Variants in ANK3 observed in about 807,000 individuals in gnomAD.
ANK3 encodes the protein ankyrin 3, also known as ankyrin-3.
ANK3 carries 57 observed loss-of-function variants against 370.9 expected under a neutral mutation model. The observed-to-expected ratio is 0.15, with a 90% CI of 0.12 to 0.19. The LOEUF (loss-of-function observed/expected upper bound fraction) is 0.19, where lower values mean the gene tolerates loss of function less well. Ranked by LOEUF, ANK3 falls within the 10% of genes least tolerant of loss-of-function variation. The pLI is 1.00. For missense variants in ANK3, 4,439 were observed against 5,302.1 expected (o/e 0.84, Z 5.06); for synonymous variants, 1,929 against 1,946.3 (o/e 0.99, Z 0.23).
intron 42 of ANK3, among the ~76,000 whole-genome samples, chr10:60,050,333 A>G (rs1013302093): frequency 1.3e-5 from 2 of 152,168 alleles, no homozygotes; most frequent in African/African-American, 4.8e-5. Flanking sequence ...AAATTTAGAC[A>G]ACGATTTATT....
intron 2 of ANK3, among the ~76,000 whole-genome samples, chr10:60,550,333 A>G (rs2077061476): frequency 6.6e-6 from 1 of 151,978 alleles, no homozygotes; most frequent in South Asian, 2.1e-4. Context: ...GTAAGTAACT[A>G]AGAAGCATTT....
intron 1 of ANK3, chr10:60,684,750 A>G: frequency 6.3e-7 from 1 of 1,575,002 alleles, no homozygotes; most frequent in Non-Finnish European, 8.7e-7. Flanking sequence ...AGGAGAAATT[A>G]ATGCCACTAT....
At chr10:60,121,288 G>T (rs1393501480) in intron 25 of ANK3, among the ~76,000 whole-genome samples, 1 of 151,248 alleles carries the variant, frequency 6.6e-6, no homozygotes, top group African/African-American at 2.4e-5. Context: ...AGTTCATGGA[G>T]ATCGAAAGTA....
chr10:60,188,723 G>A (rs1297811211), intron 16 of ANK3, among the ~76,000 whole-genome samples: 1 of 152,150 alleles, frequency 6.6e-6, no homozygotes, highest in East Asian at 1.9e-4. Flanking sequence ...TCTGAAACTA[G>A]CCTCTGCCAA....
chr10:60,726,743 T>C (rs2079946932), intron 1 of ANK3, among the ~76,000 whole-genome samples: 1 of 152,144 alleles, frequency 6.6e-6, no homozygotes. Context: ...ACTCTGTAAA[T>C]AAACAAAATT....
intron 23 of ANK3, among the ~76,000 whole-genome samples, chr10:60,148,216 T>C (rs967011885): frequency 6.6e-5 from 10 of 152,102 alleles, no homozygotes; most frequent in Non-Finnish European, 1.0e-4. Flanking sequence ...ACAGAACAAA[T>C]GACCCTGCTT....
intron 2 of ANK3, among the ~76,000 whole-genome samples, chr10:60,587,608 A>C (rs1367792997): frequency 2.6e-5 from 4 of 152,226 alleles, no homozygotes; most frequent in Non-Finnish European, 5.9e-5. Flanking sequence ...CCAACTAGCC[A>C]GAGTGAGGCA....
At chr10:60,595,130 C>CA (rs2077969318) in intron 2 of ANK3, among the ~76,000 whole-genome samples, 2 of 152,088 alleles carry the variant, frequency 1.3e-5, no homozygotes, top group African/African-American at 2.4e-5. Context: ...AATTGATGAA[C>CA]AGTAGCAGGT....
intron 2 of ANK3, among the ~76,000 whole-genome samples, chr10:60,607,150 G>A (rs2078139416): frequency 6.6e-6 from 1 of 152,148 alleles, no homozygotes; most frequent in South Asian, 2.1e-4. Context: ...ACTTTAGAAA[G>A]CATTATCTTC....
chr10:60,299,703 C>G (rs1048244758), intron 1 of ANK3, among the ~76,000 whole-genome samples: 1 of 152,134 alleles, frequency 6.6e-6, no homozygotes, highest in African/African-American at 2.4e-5. Context: ...TACACAGTAT[C>G]CCTTAAGGGG....
chr10:60,507,228 T>A (rs2075963736), intron 2 of ANK3, among the ~76,000 whole-genome samples: 1 of 152,062 alleles, frequency 6.6e-6, no homozygotes, highest in African/African-American at 2.4e-5. Flanking sequence ...GGTGCTTTGG[T>A]GGGGGGTATA....
chr10:60,398,334 G>A (rs1255385751), intron 2 of ANK3, among the ~76,000 whole-genome samples: 1 of 152,186 alleles, frequency 6.6e-6, no homozygotes. Context: ...CTCTTCTGAG[G>A]TAGCACATTG....
intron 1 of ANK3, among the ~76,000 whole-genome samples, chr10:60,678,279 T>C (rs1447126543): frequency 6.6e-6 from 1 of 152,140 alleles, no homozygotes; most frequent in African/African-American, 2.4e-5. Flanking sequence ...CTTAGTAAAA[T>C]AGGTTATCGT....
intron 1 of ANK3, among the ~76,000 whole-genome samples, chr10:60,692,322 G>A (rs114855148): frequency 0.04 from 6,143 of 152,288 alleles, 161 homozygotes; most frequent in Middle Eastern, 0.071. Context: ...CAAGACCAAC[G>A]TAGCCCAAGG....
intron 28 of ANK3, among the ~76,000 whole-genome samples, chr10:60,089,178 C>T (rs545027880): frequency 6.6e-6 from 1 of 152,304 alleles, no homozygotes; most frequent in South Asian, 2.1e-4. Flanking sequence ...TGGAACTCAA[C>T]CTGTCCACAA....
Position 60,363,726 on chromosome 10 carries a change from A to G in ANK3, c.114+25699T>C, listed in dbSNP as rs146224430. Among the ~76,000 whole-genome samples the G allele has an allele frequency of 4.5e-3, 686 of 152,326 alleles. 8 individuals are homozygous for G. The highest frequency in any genetic ancestry group is 0.015 in the African/African-American group (638 of 41,574). ...AGTCACACCAATGTCAAAAGTACCA[A>G]AACAAAACAACCTTAACATGAATCA... On this transcript the variant is annotated intron_variant, in intron 1 of 43. Transcript: ENST00000280772.
intron 4 of ANK3, among the ~76,000 whole-genome samples, chr10:60,272,735 C>T (rs2098017309): frequency 6.6e-6 from 1 of 152,120 alleles, no homozygotes; most frequent in East Asian, 1.9e-4. Context: ...GCCTCAGCCT[C>T]CCAAAGTGTT....
intron 1 of ANK3, among the ~76,000 whole-genome samples, chr10:60,322,714 A>C (rs1484426915): frequency 1.3e-5 from 2 of 152,278 alleles, no homozygotes; most frequent in Admixed American, 1.3e-4. Flanking sequence ...ACAAATGAAC[A>C]CTGCTTTTCT....
At chr10:60,107,526 G>C (rs1411515516) in intron 27 of ANK3, among the ~76,000 whole-genome samples, 1 of 152,194 alleles carries the variant, frequency 6.6e-6, no homozygotes, top group Non-Finnish European at 1.5e-5. Context: ...CAATCAAACA[G>C]ACAAGTGAAC....
Sources: gnomAD v4.1 joint callset for allele counts (sites outside exome capture counted in the v4.1 genomes callset) on GRCh38, gnomAD v4.1.1 for gene constraint, MANE v1.5 for transcripts, NCBI Gene and HGNC (gene_info 2026-07-23, HGNC 2026-07-21) for gene names.